Variants in MEGF11 observed in about 807,000 individuals in gnomAD.
The protein encoded by MEGF11 is multiple EGF like domains 11, also known as multiple epidermal growth factor-like domains protein 11.
MEGF11 carries 126 observed loss-of-function variants against 146.6 expected under a neutral mutation model. That is an observed-to-expected ratio of 0.86 (90% confidence interval 0.74 to 1.00). The LOEUF (loss-of-function observed/expected upper bound fraction) is 1.00, where lower values mean the gene tolerates loss of function less well. Ranked by LOEUF, MEGF11 falls within the 50% of genes least tolerant of loss-of-function variation. The probability of loss-of-function intolerance (pLI) is 0.00; values close to 1 mark genes in which losing one functional copy is unlikely to be tolerated. For synonymous variants in MEGF11, 532 were observed against 583.4 expected, an observed-to-expected ratio of 0.91 and a Z score of 1.27; for missense variants, 1,509 against 1,521.2, an observed-to-expected ratio of 0.99 and a Z score of 0.13.
chr15:65,965,035 T>A lies in MEGF11; in HGVS notation c.985A>T (p.Thr329Ser). The A allele has an allele frequency of 6.3e-7, 1 of 1,586,166 alleles. No individual in the cohort carries two copies. The highest frequency in any genetic ancestry group is 8.6e-7 in the Non-Finnish European group (1 of 1,166,068). The change falls in exon 9 of 26, where the codon ACC (threonine) becomes TCC (serine). Residue 329 changes from threonine to serine, a missense_variant. Thr to Ser is a moderately conservative substitution (Grantham distance 58). Transcript: ENST00000395614. Reference sequence around the variant, plus strand: ...GGCTCACACTCGCAGGCACCCGTGGTGGGTGAACACTGCCCCCCATTGTGG... The same window carrying A: ...GGCTCACACTCGCAGGCACCCGTGGAGGGTGAACACTGCCCCCCATTGTGG... Reference protein sequence around the residue: ...DCHNGGQCSPTTGACECEPGY... With the variant: ...DCHNGGQCSPSTGACECEPGY...
intron 1 of MEGF11, among the ~76,000 whole-genome samples, chr15:66,242,259 A>G (rs763324533): frequency 6.6e-6 from 1 of 151,828 alleles, no homozygotes; most frequent in African/African-American, 2.4e-5. Context: ...AAAATAAAAA[A>G]TTATCCTGGC....
chr15:66,242,182 G>A (rs2092223121), intron 1 of MEGF11, among the ~76,000 whole-genome samples: 1 of 152,152 alleles, frequency 6.6e-6, no homozygotes, highest in East Asian at 1.9e-4. Flanking sequence ...CAAAGCAGGA[G>A]GATCACTTGA....
intron 3 of MEGF11, among the ~76,000 whole-genome samples, chr15:66,121,874 A>G (rs1015640215): frequency 4.6e-5 from 7 of 152,244 alleles, no homozygotes; most frequent in African/African-American, 1.7e-4. Flanking sequence ...TAAACAAACA[A>G]CAACAAATTA....
intron 5 of MEGF11, among the ~76,000 whole-genome samples, chr15:66,062,202 G>C (rs78313518): frequency 6.3e-4 from 96 of 152,362 alleles, no homozygotes; most frequent in African/African-American, 2.2e-3. Context: ...AGGCCCACAG[G>C]CTAGGGTGGC....
intron 5 of MEGF11, among the ~76,000 whole-genome samples, chr15:66,053,164 AT>A (rs1311513965): frequency 6.6e-6 from 1 of 152,140 alleles, no homozygotes; most frequent in African/African-American, 2.4e-5. Context: ...CTTCCTTGTA[AT>A]TGTTCACTAC....
rs569784366 is a variant in MEGF11 at position 65,922,738 on chromosome 15, C to T, written c.1822+85G>A. On this transcript the variant is annotated intron_variant, in intron 14 of 25. Transcript: ENST00000395614. ...GGGGGCTGATTCAAGAGCCCAGCCT[C>T]TCTCAGGCCATGGCTAGTTCCAACT... 74 of 1,498,112 alleles carry T rather than the reference C, an allele frequency of 4.9e-5. No individual in the cohort carries two copies. In the East Asian group the frequency reaches 1.6e-3, roughly 33 times the overall value. 92.8% of individuals were successfully genotyped at this position (1,498,112 alleles called of 1,614,324 possible).
intron 1 of MEGF11, among the ~76,000 whole-genome samples, chr15:66,251,500 T>C (rs1332722668): frequency 6.6e-6 from 1 of 152,158 alleles, no homozygotes; most frequent in Non-Finnish European, 1.5e-5. Context: ...AGAACAGGTA[T>C]GCAACAAACT....
intron 5 of MEGF11, among the ~76,000 whole-genome samples, chr15:65,998,513 C>T (rs1052515174): frequency 1.3e-5 from 2 of 152,130 alleles, no homozygotes; most frequent in South Asian, 2.1e-4. Context: ...TTAGGAGCAG[C>T]GGAGGCCTCA....
chr15:66,077,553 A>G (rs181994945), intron 5 of MEGF11, among the ~76,000 whole-genome samples: 1 of 152,360 alleles, frequency 6.6e-6, no homozygotes, highest in East Asian at 1.9e-4. Context: ...GGAACGAAAG[A>G]CGTGATAAGA....
intron 4 of MEGF11, among the ~76,000 whole-genome samples, chr15:66,112,596 TGAA>T (rs2087487043): frequency 6.6e-6 from 1 of 152,200 alleles, no homozygotes; most frequent in East Asian, 1.9e-4. Flanking sequence ...CCAGAATTGA[TGAA>T]GGACATGAAT....
intron 9 of MEGF11, among the ~76,000 whole-genome samples, chr15:65,960,328 T>C (rs918669593): frequency 6.6e-6 from 1 of 152,216 alleles, no homozygotes; most frequent in African/African-American, 2.4e-5. Context: ...CGAAGAAGAA[T>C]GGGTGTAAAG....
intron 1 of MEGF11, among the ~76,000 whole-genome samples, chr15:66,215,366 C>T: frequency 6.6e-6 from 1 of 152,126 alleles, no homozygotes; most frequent in East Asian, 1.9e-4. Context: ...GCCCTGGGAA[C>T]CTCCACATTG....
At chr15:66,005,511 G>A (rs576586906) in intron 5 of MEGF11, among the ~76,000 whole-genome samples, 62 of 152,280 alleles carry the variant, frequency 4.1e-4, no homozygotes, top group African/African-American at 1.5e-3. Context: ...GATCTCTCAA[G>A]GTGGGAAGCA....
intron 5 of MEGF11, among the ~76,000 whole-genome samples, chr15:66,092,921 C>T (rs1331816087): frequency 7.2e-5 from 11 of 152,342 alleles, no homozygotes; most frequent in South Asian, 6.2e-4. Context: ...AGCCAAGTTA[C>T]GCAAAACAAA....
intron 11 of MEGF11, 111 bp downstream of exon 11, chr15:65,930,712 C>T: frequency 7.4e-7 from 1 of 1,351,608 alleles, no homozygotes; most frequent in Non-Finnish European, 9.9e-7. Flanking sequence ...CCTGACCTTG[C>T]ATGTGGGGGC....
chr15:65,987,107 C>T (rs1167998919), intron 5 of MEGF11, among the ~76,000 whole-genome samples: 1 of 152,146 alleles, frequency 6.6e-6, no homozygotes, highest in Non-Finnish European at 1.5e-5. Flanking sequence ...GCCCCTGGGT[C>T]CCCAAGAGGG....
At chr15:66,060,316 A>G (rs16949369) in intron 5 of MEGF11, among the ~76,000 whole-genome samples, 9,545 of 152,202 alleles carry the variant, frequency 0.063, 586 homozygotes, top group African/African-American at 0.16. Flanking sequence ...CTCAGGTCAG[A>G]AAATCCAAAT....
intron 1 of MEGF11, among the ~76,000 whole-genome samples, chr15:66,243,236 C>G (rs1452181674): frequency 6.6e-6 from 1 of 152,214 alleles, no homozygotes; most frequent in Non-Finnish European, 1.5e-5. Flanking sequence ...CCTGCATGTT[C>G]CCTGACAGTA....
chr15:66,107,356 A>C lies in MEGF11; in HGVS notation c.301+11730T>G, dbSNP rs376801812. Among the ~76,000 whole-genome samples, 17 of 152,242 alleles carry C rather than the reference A, an allele frequency of 1.1e-4. No homozygotes were observed. In the East Asian group the frequency reaches 1.3e-3, roughly 12 times the overall value. ...CACTGAAGAGCAAGCATTAGAGGAG[A>C]TTTGGGGACCGGCATGCCCATTGTC... On this transcript the variant is annotated intron_variant, in intron 4 of 25. Coordinates refer to ENST00000395614, the MANE Select transcript of MEGF11 (RefSeq NM_001385028.1).
Sources: gnomAD v4.1 joint callset for allele counts (sites outside exome capture counted in the v4.1 genomes callset) on GRCh38, gnomAD v4.1.1 for gene constraint, MANE v1.5 for transcripts, NCBI Gene and HGNC (gene_info 2026-07-23, HGNC 2026-07-21) for gene names.